AGT: variants seen among roughly 807,000 people sequenced by gnomAD.
AGT encodes the protein alpha-1 antiproteinase, antitrypsin.
A neutral mutation model predicts 28.1 loss-of-function variants in AGT; 26 were observed. That is an observed-to-expected ratio of 0.92 (90% CI 0.68 to 1.28). The LOEUF (loss-of-function observed/expected upper bound fraction) is 1.28, where lower values mean the gene tolerates loss of function less well. Among genes scored for constraint, AGT ranks in the 50% most tolerant of loss-of-function variants. AGT has a pLI of 0.00. For missense variants in AGT, 596 were observed against 592.3 expected, an observed-to-expected ratio of 1.01 and a Z score of -0.06; for synonymous variants, 259 against 259.6, an observed-to-expected ratio of 1.00 and a Z score of 0.02.
At chr1:230,742,642 T>A (rs1664267517) in intron 1 of AGT, among the ~76,000 whole-genome samples, 1 of 152,150 alleles carries the variant, frequency 6.6e-6, no homozygotes, top group Admixed American at 6.5e-5. Context: ...GAACACTGTA[T>A]CCCAGGGACC....
At chr1:230,719,406 G>GTTTTTTTTTTTTGTTTGTTTTTGTTT (rs1663801025), upstream of AGT, among the ~76,000 whole-genome samples, 1 of 100,332 alleles carries the variant, frequency 1.0e-5, no homozygotes, top group African/African-American at 4.0e-5. Context: ...TTATCATTAT[G>GTTTTTTTTTTTTGTTTGTTTTTGTTT]TTTTTTTTTT....
At chr1:230,715,223 C>T (rs543633251), upstream of AGT, among the ~76,000 whole-genome samples, 12 of 152,212 alleles carry the variant, frequency 7.9e-5, no homozygotes, top group South Asian at 2.5e-3. Context: ...TCTTTTTTAC[C>T]CATTACTCTA....
intron 1 of AGT, among the ~76,000 whole-genome samples, chr1:230,720,717 G>A (rs1192978578): frequency 1.3e-5 from 2 of 152,152 alleles, no homozygotes; most frequent in Non-Finnish European, 2.9e-5. Flanking sequence ...TTTGAGTAGA[G>A]TCTTTGCTTT....
chr1:230,734,945 A>G (rs1369181033), intron 1 of AGT, among the ~76,000 whole-genome samples: 1 of 151,738 alleles, frequency 6.6e-6, no homozygotes, highest in Non-Finnish European at 1.5e-5. Context: ...CGATCTCCTG[A>G]CCTCGTGATC....
At chr1:230,729,825 T>G (rs1664017826) in intron 1 of AGT, among the ~76,000 whole-genome samples, 1 of 152,074 alleles carries the variant, frequency 6.6e-6, no homozygotes, top group Admixed American at 6.5e-5. Flanking sequence ...ATAGCTGAAT[T>G]TCTACTCTTC....
rs1365456355 is a variant in AGT at position 230,710,388 on chromosome 1, C to T, written c.436G>A (p.Ala146Thr). Residue 146 changes from alanine (A) to threonine (T), a missense_variant, in exon 2 of 5, where the codon GCT becomes ACT. By Grantham distance (58) the Ala-to-Thr change is moderately conservative. Transcript: ENST00000366667. ...CCCAGGATTGCCTGTAGCCTGTCAGCTGTGTGGTCCAAGGCTCCCAGATAG... is the reference window on the plus strand; with the variant it reads ...CCCAGGATTGCCTGTAGCCTGTCAGTTGTGTGGTCCAAGGCTCCCAGATAG... ...SLYLGALDHT[A>T]DRLQAILGVP... is the part of the protein sequence containing the mutation. 1.2e-6 allele frequency: 2 copies of T among 1,614,236 alleles called. No homozygotes were observed. The highest frequency in any genetic ancestry group is 1.7e-6 in the Non-Finnish European group (2 of 1,180,038).
chr1:230,720,415 C>T (rs12136482), intron 1 of AGT, among the ~76,000 whole-genome samples: 30,326 of 152,134 alleles, frequency 0.2, 4,155 homozygotes, highest in East Asian at 0.49. Flanking sequence ...TACCCCTTTC[C>T]CCTTTGTCCA....
chr1:230,709,639 C>A (rs7543316), intron 2 of AGT, among the ~76,000 whole-genome samples: 1,617 of 152,200 alleles, frequency 0.011, 34 homozygotes, highest in African/African-American at 0.036. Flanking sequence ...GGTTTCAATC[C>A]CAGGACCCCC....
upstream of AGT, among the ~76,000 whole-genome samples, chr1:230,718,284 A>G (rs1015047598): frequency 6.6e-6 from 1 of 152,108 alleles, no homozygotes; most frequent in Non-Finnish European, 1.5e-5. Flanking sequence ...TTGTATTTAT[A>G]TAAGGTGTAC....
At chr1:230,709,024 T>C (rs1663478602) in intron 2 of AGT, among the ~76,000 whole-genome samples, 1 of 152,180 alleles carries the variant, frequency 6.6e-6, no homozygotes, top group Admixed American at 6.5e-5. Flanking sequence ...ACCAGCCCTG[T>C]TGCCCTCACT....
rs1207370716 is a variant in AGT at position 230,706,965 on chromosome 1, A to G, written c.830-765T>C. The stretch of plus-strand genomic sequence containing the variant: ...CCTGTGGCCCCCACCCTCCCCCATC[A>G]CAGTCATAGAATACAGAGTGGGCCA... On this transcript the variant is annotated intron_variant, in intron 2 of 4. Transcript: ENST00000366667. Among the ~76,000 whole-genome samples, 11 of 151,964 alleles carry G rather than the reference A, an allele frequency of 7.2e-5. No homozygotes were observed. The East Asian group carries it at 2.1e-3, about 29-fold the overall frequency.
At chr1:230,740,655 T>A (rs1016273179) in intron 1 of AGT, among the ~76,000 whole-genome samples, 2 of 151,762 alleles carry the variant, frequency 1.3e-5, no homozygotes, top group African/African-American at 4.8e-5. Flanking sequence ...ATATTTTTTT[T>A]AATTAGGATT....
At chr1:230,730,021 CG>C (rs1237417665) in intron 1 of AGT, among the ~76,000 whole-genome samples, 26 of 151,970 alleles carry the variant, frequency 1.7e-4, no homozygotes, top group African/African-American at 5.6e-4. Flanking sequence ...ATTAGCCAGG[CG>C]TGGTGGTGCA....
rs111894053 is a variant in AGT at position 230,704,339 on chromosome 1, T to C, written c.1098-2A>G. 5 of 1,614,122 alleles carry C rather than the reference T, an allele frequency of 3.1e-6. No individual in the cohort carries two copies. Among genetic ancestry groups the C allele is most frequent in the East Asian group, 2.2e-5 (1 of 44,870 alleles). ...TGGGGCATGGTCAGGTGGATGGTCC[T>C]GGGGAGATGATGCACAGTTAGGAAG... On this transcript the variant is annotated splice_acceptor_variant, in intron 3 of 4. Coordinates refer to ENST00000366667, the MANE Select transcript of AGT (RefSeq NM_001384479.1). LOFTEE classifies it high-confidence loss of function.
chr1:230,734,971 C>T (rs972756532), intron 1 of AGT, among the ~76,000 whole-genome samples: 1 of 152,090 alleles, frequency 6.6e-6, no homozygotes, highest in African/African-American at 2.4e-5. Flanking sequence ...ACCTTGGCCT[C>T]CCAAAGTGCT....
chr1:230,705,451 C>A (rs1663353487), intron 3 of AGT, among the ~76,000 whole-genome samples: 2 of 152,170 alleles, frequency 1.3e-5, no homozygotes, highest in African/African-American at 4.8e-5. Flanking sequence ...CCTATCCCCA[C>A]CCAGCCGCCA....
intron 1 of AGT, among the ~76,000 whole-genome samples, chr1:230,745,230 T>G (rs2493152): frequency 0.95 from 143,939 of 152,290 alleles, 68,117 homozygotes; most frequent in East Asian, 1. Context: ...TCTGTGGGAG[T>G]GGCAGGGGGT....
At chr1:230,740,267 A>C (rs1478050183) in intron 1 of AGT, among the ~76,000 whole-genome samples, 1 of 152,112 alleles carries the variant, frequency 6.6e-6, no homozygotes, top group Non-Finnish European at 1.5e-5. Context: ...TCTTGGTTTT[A>C]GTGGGTTTTG....
intron 1 of AGT, among the ~76,000 whole-genome samples, chr1:230,727,692 C>G (rs548279727): frequency 6.6e-6 from 1 of 152,198 alleles, no homozygotes; most frequent in Non-Finnish European, 1.5e-5. Context: ...GGGAAAATGA[C>G]TTCTAGGGAA....
Sources: gnomAD v4.1 joint callset for allele counts (sites outside exome capture counted in the v4.1 genomes callset) on GRCh38, gnomAD v4.1.1 for gene constraint, MANE v1.5 for transcripts, NCBI Gene and HGNC (gene_info 2026-07-23, HGNC 2026-07-21) for gene names.